The following GAB2 variants were observed in gnomAD, a reference collection of about 807,000 sequenced individuals.
GAB2 encodes the protein GRB2-associated-binding protein 2.
Under a neutral mutation model 65.5 loss-of-function variants are expected in GAB2, and 26 were observed. The ratio of observed to expected loss-of-function variants is 0.40; its 90% confidence interval spans 0.29 to 0.55. The LOEUF (loss-of-function observed/expected upper bound fraction) is 0.55. Ranked by LOEUF, GAB2 falls within the 20% of genes least tolerant of loss-of-function variation. The probability of loss-of-function intolerance (pLI) is 0.53; values close to 1 mark genes in which losing one functional copy is unlikely to be tolerated. For missense variants in GAB2, 884 were observed against 875.8 expected (o/e 1.01, Z -0.12); for synonymous variants, 321 against 329.6 (o/e 0.97, Z 0.28).
chr11:78,321,716 G>A (rs1947997467), intron 1 of GAB2, among the ~76,000 whole-genome samples: 1 of 152,040 alleles, frequency 6.6e-6, no homozygotes, highest in Non-Finnish European at 1.5e-5. Context: ...AGAGATGGAG[G>A]CACCACATTA....
chr11:78,318,272 C>T (rs1855651904), intron 1 of GAB2: 1 of 149,812 alleles, frequency 6.7e-6, no homozygotes, highest in Admixed American at 6.7e-5. Flanking sequence ...GCACAAGCAC[C>T]TTACAGAGTG....
At chr11:78,342,244 A>G (rs1274394348) in intron 1 of GAB2, among the ~76,000 whole-genome samples, 1 of 152,188 alleles carries the variant, frequency 6.6e-6, no homozygotes, top group Non-Finnish European at 1.5e-5. Flanking sequence ...CCTCTTCTCA[A>G]GATCATTCTC....
chr11:78,339,090 T>C (rs1052156205), intron 1 of GAB2, among the ~76,000 whole-genome samples: 3 of 150,126 alleles, frequency 2.0e-5, no homozygotes, highest in Non-Finnish European at 3.0e-5. Context: ...ACCCAGCTAA[T>C]TTTTTTTTTA....
intron 1 of GAB2, among the ~76,000 whole-genome samples, chr11:78,286,012 G>A (rs528267814): frequency 8.6e-5 from 13 of 151,694 alleles, no homozygotes; most frequent in South Asian, 2.1e-4. Context: ...CTTTCTTACC[G>A]CTCTCACCTC....
At chr11:78,242,560 A>G (rs893805854) in intron 3 of GAB2, among the ~76,000 whole-genome samples, 1 of 152,226 alleles carries the variant, frequency 6.6e-6, no homozygotes, top group Non-Finnish European at 1.5e-5. Flanking sequence ...AAATGAAAAT[A>G]GAAACACAAC....
chr11:78,320,148 G>A (rs1490480857), intron 1 of GAB2, among the ~76,000 whole-genome samples: 2 of 152,210 alleles, frequency 1.3e-5, no homozygotes, highest in African/African-American at 4.8e-5. Context: ...GGGGATTACA[G>A]GCATGAGCCA....
intron 1 of GAB2, among the ~76,000 whole-genome samples, chr11:78,301,807 A>C (rs1160423684): frequency 6.6e-6 from 1 of 152,228 alleles, no homozygotes; most frequent in African/African-American, 2.4e-5. Context: ...ATAAGGCTAT[A>C]GTCATTAAAC....
At chr11:78,271,250 T>C (rs1002639103) in intron 2 of GAB2, among the ~76,000 whole-genome samples, 1 of 152,212 alleles carries the variant, frequency 6.6e-6, no homozygotes, top group Non-Finnish European at 1.5e-5. Context: ...TAAACACAGC[T>C]CAGAGCAGCT....
intron 1 of GAB2, among the ~76,000 whole-genome samples, chr11:78,336,540 C>T (rs919365104): frequency 2.7e-5 from 4 of 147,878 alleles, no homozygotes; most frequent in African/African-American, 7.5e-5. Context: ...ATATCATGAG[C>T]AAACAAGGAT....
In GAB2 at chr11:78,244,397, AAAG is replaced by A. The variant is rs1217180106; in HGVS notation, c.620+5757_620+5759del. On this transcript the variant is annotated intron_variant, in intron 3 of 9. Coordinates refer to ENST00000361507, the MANE Select transcript of GAB2 (RefSeq NM_080491.3). Reference sequence around the variant, plus strand: ...ACAGAGGGAGATTCTGTCTCAAAAGAAAGAAAAAAAAAAGACAAATGGGACTAT... The same window carrying A: ...ACAGAGGGAGATTCTGTCTCAAAAGAAAAAAAAAAAGACAAATGGGACTAT... Among the ~76,000 whole-genome samples, 11 of 151,398 alleles carry A rather than the reference AAAG, an allele frequency of 7.3e-5. No individual in the cohort carries two copies. In the East Asian group the frequency reaches 1.8e-3, roughly 24 times the overall value.
chr11:78,233,855 C>T (rs1864915536), intron 3 of GAB2, among the ~76,000 whole-genome samples: 1 of 152,250 alleles, frequency 6.6e-6, no homozygotes, highest in African/African-American at 2.4e-5. Context: ...CTCAAGTTAT[C>T]TGCCTGCTGC....
chr11:78,362,026 G>A (rs991939363), intron 1 of GAB2, among the ~76,000 whole-genome samples: 1 of 151,606 alleles, frequency 6.6e-6, no homozygotes, highest in Non-Finnish European at 1.5e-5. Flanking sequence ...AAAGGCATGG[G>A]GAAGAAAACT....
intron 1 of GAB2, among the ~76,000 whole-genome samples, chr11:78,380,432 T>G (rs1856683278): frequency 6.6e-6 from 1 of 152,120 alleles, no homozygotes; most frequent in African/African-American, 2.4e-5. Context: ...TCTCAATCTC[T>G]TGACCGCGTG....
chr11:78,413,586 G>T (rs537321474), intron 1 of GAB2, among the ~76,000 whole-genome samples: 1 of 152,142 alleles, frequency 6.6e-6, no homozygotes, highest in African/African-American at 2.4e-5. Flanking sequence ...TGAGAAGAAG[G>T]TGGGAGAAAG....
chr11:78,233,953 AT>A (rs1317969763), intron 3 of GAB2, among the ~76,000 whole-genome samples: 1 of 152,136 alleles, frequency 6.6e-6, no homozygotes, highest in Non-Finnish European at 1.5e-5. Flanking sequence ...ACTAGTTTTA[AT>A]TTTGATAAAG....
chr11:78,271,131 C>A (rs1865999495), intron 2 of GAB2, among the ~76,000 whole-genome samples: 1 of 152,222 alleles, frequency 6.6e-6, no homozygotes, highest in Admixed American at 6.5e-5. Context: ...ATGAATAATT[C>A]ATCAAAGCTC....
At chr11:78,384,575 T>C (rs1856742019) in intron 1 of GAB2, among the ~76,000 whole-genome samples, 1 of 152,224 alleles carries the variant, frequency 6.6e-6, no homozygotes, top group Admixed American at 6.5e-5. Flanking sequence ...GCCCTGGTCC[T>C]GGTGGAACGC....
Position 78,276,111 on chromosome 11 carries a change from C to CAAA in GAB2, c.376+4487_376+4489dup, listed in dbSNP as rs539148797. ...CCTGGACGACAGAGCAAGACTGTCT[C>CAAA]AAAAAAAAAAAAAAAAAGAAGAAGA... On this transcript the variant is annotated intron_variant, in intron 2 of 9. Transcript: ENST00000361507. Among the ~76,000 whole-genome samples, 107 of 97,366 alleles carry CAAA rather than the reference C, an allele frequency of 1.1e-3. 1 individual carries two copies. In the Middle Eastern group the frequency reaches 0.038, roughly 35 times the overall value. 63.9% of individuals were successfully genotyped at this position (97,366 alleles called of 152,430 possible). A position where few individuals can be genotyped will look rare whatever the true frequency, so the allele number is the denominator to read the frequency against.
At position 78,338,690 on chromosome 11, in the gene GAB2, C is replaced by CA. The variant is rs565492515; in HGVS notation, c.76-57790dup. On this transcript the variant is annotated intron_variant, in intron 1 of 9. Coordinates refer to ENST00000361507, the MANE Select transcript of GAB2 (RefSeq NM_080491.3). ...ACACTAACAAGGATACACACAGTGT[C>CA]AAAAAAACCAGATATCTTAATGACC... Among the ~76,000 whole-genome samples the CA allele has an allele frequency of 6.6e-5, 10 of 152,182 alleles. No homozygotes were observed. The East Asian group carries it at 7.7e-4, about 12-fold the overall frequency.
Sources: allele counts gnomAD v4.1 joint callset (sites outside exome capture counted in the v4.1 genomes callset), GRCh38; gene constraint gnomAD v4.1.1; transcripts MANE v1.5; gene names NCBI Gene and HGNC (gene_info 2026-07-23, HGNC 2026-07-21).